Variants in ADK observed in about 807,000 individuals in gnomAD.
The protein encoded by ADK is adenosine kinase, also known as N6,N6-dimethyladenosine kinase.
ADK carries 24 observed loss-of-function variants against 44.7 expected under a neutral mutation model. The ratio of observed to expected loss-of-function variants is 0.54; its 90% CI spans 0.39 to 0.76. ADK has a LOEUF of 0.76. Among genes scored for constraint, ADK ranks in the 30% least tolerant of loss-of-function variants. The pLI is 0.00. For synonymous variants in ADK, 128 were observed against 142.6 expected, an observed-to-expected ratio of 0.90 and a Z score of 0.73; for missense variants, 321 against 425.1, an observed-to-expected ratio of 0.76 and a Z score of 2.15.
intron 9 of ADK, among the ~76,000 whole-genome samples, chr10:74,604,880 A>G (rs1852263868): frequency 6.6e-6 from 1 of 152,214 alleles, no homozygotes; most frequent in Non-Finnish European, 1.5e-5. Flanking sequence ...ATCCGTGAGC[A>G]TGGAATGGTT....
At chr10:74,211,610 C>T (rs1843814230) in intron 2 of ADK, among the ~76,000 whole-genome samples, 1 of 152,252 alleles carries the variant, frequency 6.6e-6, no homozygotes, top group South Asian at 2.1e-4. Flanking sequence ...ATCTTTGCAG[C>T]AGTGTGTGCT....
chr10:74,385,776 C>T (rs1843119224), intron 4 of ADK, among the ~76,000 whole-genome samples: 1 of 152,124 alleles, frequency 6.6e-6, no homozygotes, highest in African/African-American at 2.4e-5. Flanking sequence ...GCTTGTTTAC[C>T]ATCACATGGC....
At chr10:74,350,221 A>C (rs1841919006) in intron 4 of ADK, among the ~76,000 whole-genome samples, 1 of 152,250 alleles carries the variant, frequency 6.6e-6, no homozygotes, top group Non-Finnish European at 1.5e-5. Context: ...ACAGTCTCTC[A>C]GACCACAGTG....
At chr10:74,550,933 G>A (rs1362012704) in intron 7 of ADK, among the ~76,000 whole-genome samples, 5 of 152,110 alleles carry the variant, frequency 3.3e-5, no homozygotes, top group Admixed American at 6.6e-5. Flanking sequence ...GAACTCCTGC[G>A]TTCAAGCAAT....
In ADK at chr10:74,176,959, C is replaced by T. The variant is rs972057268; in HGVS notation, c.66-23805C>T. ...TCCCGAGCGCGTGAGCACTGTCGCT[C>T]CTTCTCGCGGGTGGTCTGGAGCCTG... On this transcript the variant is annotated intron_variant, in intron 1 of 10. Transcript: ENST00000539909. The T allele has an allele frequency of 6.3e-6, 10 of 1,589,830 alleles. No individual in the cohort carries two copies. The African/African-American group carries it at 1.3e-4, about 21-fold the overall frequency.
intron 6 of ADK, among the ~76,000 whole-genome samples, chr10:74,418,405 G>A (rs1844446088): frequency 6.6e-6 from 1 of 152,038 alleles, no homozygotes; most frequent in South Asian, 2.1e-4. Context: ...TACACAGCCA[G>A]TCTAGCTGCA....
intron 1 of ADK, among the ~76,000 whole-genome samples, chr10:74,176,177 A>G (rs1274564016): frequency 6.6e-6 from 1 of 152,176 alleles, no homozygotes. Context: ...CATATTAAAT[A>G]AGCTGCTCTA....
chr10:74,673,612 C>A (rs1228560900), intron 10 of ADK, among the ~76,000 whole-genome samples: 1 of 152,142 alleles, frequency 6.6e-6, no homozygotes, highest in African/African-American at 2.4e-5. Context: ...CGTTACAGTG[C>A]CCTTTTAGCT....
intron 6 of ADK, among the ~76,000 whole-genome samples, chr10:74,428,852 G>A (rs190675951): frequency 5.1e-4 from 73 of 144,094 alleles, no homozygotes; most frequent in Admixed American, 9.0e-4. Context: ...CACCTCCAGT[G>A]AGAGTCAAAT....
At chr10:74,573,756 CAGACT>C (rs1453170586) in intron 7 of ADK, among the ~76,000 whole-genome samples, 2 of 152,328 alleles carry the variant, frequency 1.3e-5, no homozygotes, top group East Asian at 3.9e-4. Context: ...AGTTTGATCT[CAGACT>C]GCTGTGCTAG....
intron 6 of ADK, among the ~76,000 whole-genome samples, chr10:74,511,950 A>T (rs1225229981): frequency 6.6e-6 from 1 of 152,130 alleles, no homozygotes; most frequent in African/African-American, 2.4e-5. Context: ...GGTAATTTCA[A>T]CATGTTATTA....
chr10:74,301,752 A>C (rs1258306952), intron 3 of ADK, among the ~76,000 whole-genome samples: 1 of 152,104 alleles, frequency 6.6e-6, no homozygotes, highest in Non-Finnish European at 1.5e-5. Flanking sequence ...TTTACAAAGA[A>C]AGCTTTCTGA....
chr10:74,701,732 G>T (rs74786371), intron 10 of ADK, among the ~76,000 whole-genome samples: 1 of 152,276 alleles, frequency 6.6e-6, no homozygotes, highest in South Asian at 2.1e-4. Context: ...ATCACCTTAG[G>T]TTGGGAGTCT....
intron 2 of ADK, among the ~76,000 whole-genome samples, chr10:74,207,844 T>C (rs920213626): frequency 1.3e-5 from 2 of 152,150 alleles, no homozygotes. Flanking sequence ...CCCACCCCTT[T>C]TTTCCCAGGA....
At chr10:74,164,072 G>A (rs571280925) in intron 1 of ADK, among the ~76,000 whole-genome samples, 1 of 152,208 alleles carries the variant, frequency 6.6e-6, no homozygotes, top group African/African-American at 2.4e-5. Flanking sequence ...TTTTATCATA[G>A]GATAGCATGT....
intron 7 of ADK, among the ~76,000 whole-genome samples, chr10:74,574,382 G>T (rs999374088): frequency 5.9e-5 from 9 of 151,850 alleles, no homozygotes; most frequent in African/African-American, 1.7e-4. Flanking sequence ...TGTTGGCCAG[G>T]ATGGTCTCGC....
chr10:74,474,123 A>T (rs1174599645), intron 6 of ADK, among the ~76,000 whole-genome samples: 1 of 151,550 alleles, frequency 6.6e-6, no homozygotes, highest in East Asian at 1.9e-4. Flanking sequence ...AATATTCTTT[A>T]ATTTTTTTTT....
At chr10:74,505,545 A>G (rs1161313917) in intron 6 of ADK, among the ~76,000 whole-genome samples, 1 of 138,538 alleles carries the variant, frequency 7.2e-6, no homozygotes, top group Non-Finnish European at 1.5e-5. Context: ...TGCCATATCC[A>G]CAGTCTCTTT....
chr10:74,218,513 G>A (rs1480563859), intron 2 of ADK, among the ~76,000 whole-genome samples: 2 of 152,144 alleles, frequency 1.3e-5, no homozygotes, highest in African/African-American at 4.8e-5. Context: ...AGGAAATACA[G>A]AGAACGCCAC....
Sources: gnomAD v4.1 joint callset for allele counts (sites outside exome capture counted in the v4.1 genomes callset) on GRCh38, gnomAD v4.1.1 for gene constraint, MANE v1.5 for transcripts, NCBI Gene and HGNC (gene_info 2026-07-23, HGNC 2026-07-21) for gene names.